ANKFY1: variants seen among roughly 807,000 people sequenced by gnomAD.
ANKFY1 encodes the protein ankyrin repeat and FYVE domain-containing protein 1.
ANKFY1 carries 47 observed loss-of-function variants against 128.3 expected under a neutral mutation model. The ratio of observed to expected loss-of-function variants is 0.37; its 90% CI spans 0.29 to 0.47. ANKFY1 has a LOEUF of 0.47. ANKFY1 is among the 20% of genes least tolerant of loss of function. The probability of loss-of-function intolerance (pLI) is 1.00; values close to 1 mark genes in which losing one functional copy is unlikely to be tolerated. For missense variants in ANKFY1, 1,222 were observed against 1,510.6 expected, an observed-to-expected ratio of 0.81 and a Z score of 3.17; for synonymous variants, 553 against 601.6, an observed-to-expected ratio of 0.92 and a Z score of 1.18.
chr17:4,214,817 G>A (rs1243701426), intron 4 of ANKFY1, among the ~76,000 whole-genome samples: 1 of 151,874 alleles, frequency 6.6e-6, no homozygotes, highest in African/African-American at 2.4e-5. Flanking sequence ...TTGAGTGGAT[G>A]TGGGAAAAAA....
intron 3 of ANKFY1, among the ~76,000 whole-genome samples, chr17:4,227,703 AG>A (rs2060447766): frequency 6.6e-6 from 1 of 152,236 alleles, no homozygotes; most frequent in Non-Finnish European, 1.5e-5. Flanking sequence ...CATTTTGAAA[AG>A]GCCAAAGATG....
At chr17:4,262,543 CGAGCCACCACACGGGGCCAA>C (rs1412719290) in intron 1 of ANKFY1, among the ~76,000 whole-genome samples, 3 of 152,048 alleles carry the variant, frequency 2.0e-5, no homozygotes. Flanking sequence ...ATTACTAGCG[CGAGCCACCACACGGGGCCAA>C]GACCTTGTCT....
At chr17:4,253,219 T>TCAACAA (rs577126406) in intron 1 of ANKFY1, among the ~76,000 whole-genome samples, 1 of 151,778 alleles carries the variant, frequency 6.6e-6, no homozygotes. Flanking sequence ...AGACTCCATC[T>TCAACAA]CAACAACAAC....
chr17:4,254,164 T>C (rs1346752849), intron 1 of ANKFY1, among the ~76,000 whole-genome samples: 1 of 151,486 alleles, frequency 6.6e-6, no homozygotes, highest in Non-Finnish European at 1.5e-5. Flanking sequence ...ATTAGCCAGG[T>C]GTGGTGGCAG....
intron 1 of ANKFY1, 55 bp from the exon 2 acceptor site, chr17:4,242,503 T>C (rs1425481827): frequency 4.8e-6 from 7 of 1,453,180 alleles, no homozygotes; most frequent in Non-Finnish European, 6.4e-6. Context: ...GCAGGTGGCA[T>C]TCACTAATCC....
At chr17:4,216,385 C>T (rs1394793346) in intron 4 of ANKFY1, 4 of 161,898 alleles carry the variant, frequency 2.5e-5, no homozygotes, top group Non-Finnish European at 4.1e-5. Flanking sequence ...CCGGACATCT[C>T]GTCTGACATT....
In ANKFY1 at chr17:4,183,793, G is replaced by A. The variant is rs530441937; in HGVS notation, c.1798+19C>T. ...CAGCTGTCTGTCTGCAGACATCAGCGGCCCCGGCACAGCCTTACCAGTCCA... is the reference window on the plus strand; with the variant it reads ...CAGCTGTCTGTCTGCAGACATCAGCAGCCCCGGCACAGCCTTACCAGTCCA... On this transcript the variant is annotated intron_variant, in intron 13 of 24. Transcript: ENST00000341657. 18 of 1,594,616 alleles carry A rather than the reference G, an allele frequency of 1.1e-5. No individual in the cohort carries two copies. The highest frequency in any genetic ancestry group is 1.7e-4 in the Middle Eastern group (1 of 6,026).
intron 4 of ANKFY1, among the ~76,000 whole-genome samples, chr17:4,213,882 A>G (rs1282303286): frequency 6.6e-6 from 1 of 152,132 alleles, no homozygotes; most frequent in Non-Finnish European, 1.5e-5. Context: ...CAACAGCATT[A>G]TATTTCTAAG....
intron 2 of ANKFY1, among the ~76,000 whole-genome samples, chr17:4,238,000 T>TA (rs1317441848): frequency 6.6e-6 from 1 of 152,100 alleles, no homozygotes; most frequent in East Asian, 1.9e-4. Flanking sequence ...CCATCGTTTT[T>TA]AACTACCTTA....
intron 3 of ANKFY1, among the ~76,000 whole-genome samples, chr17:4,225,437 A>G (rs576664341): frequency 6.6e-6 from 1 of 152,278 alleles, no homozygotes; most frequent in African/African-American, 2.4e-5. Flanking sequence ...CATCCTCTTT[A>G]GTCAATTTAA....
intron 1 of ANKFY1, chr17:4,263,494 G>A: frequency 4.6e-6 from 4 of 877,058 alleles, no homozygotes; most frequent in Non-Finnish European, 6.3e-6. Flanking sequence ...CCCCAACCCA[G>A]CCCGAGGAGA....
chr17:4,263,735 G>A (rs113899872), intron 1 of ANKFY1, 197 bp downstream of exon 1: 9 of 1,485,968 alleles, frequency 6.1e-6, no homozygotes, highest in African/African-American at 1.4e-5. Flanking sequence ...CGGCATCGCG[G>A]GAGGGACGTT....
rs180895588 is a variant in ANKFY1 at position 4,245,187 on chromosome 17, T to C, written c.11-2739A>G. Among the ~76,000 whole-genome samples, 13 of 152,256 alleles carry C rather than the reference T, an allele frequency of 8.5e-5. 1 individual carries two copies. The highest frequency in any genetic ancestry group is 8.5e-4 in the Admixed American group (13 of 15,298). On this transcript the variant is annotated intron_variant, in intron 1 of 24. Coordinates refer to ENST00000341657, the MANE Select transcript of ANKFY1 (RefSeq NM_001330063.2). ...GCTTCCCTGCATCCTTTCCCAATCT[T>C]TTCTTTTTCTTTTTAAAGAAATAGG...
intron 19 of ANKFY1, 88 bp downstream of exon 19, chr17:4,177,038 G>C: frequency 2.2e-6 from 3 of 1,341,730 alleles, no homozygotes; most frequent in Non-Finnish European, 2.9e-6. Context: ...CACAACACCG[G>C]GCAAAGCACC....
chr17:4,254,735 T>C (rs1227564473), intron 1 of ANKFY1, among the ~76,000 whole-genome samples: 4 of 152,246 alleles, frequency 2.6e-5, no homozygotes, highest in Non-Finnish European at 5.9e-5. Context: ...TAGATTAGTG[T>C]CAACATCATT....
chr17:4,211,536 C>T (rs954490347), intron 4 of ANKFY1, among the ~76,000 whole-genome samples: 1 of 151,826 alleles, frequency 6.6e-6, no homozygotes, highest in African/African-American at 2.4e-5. Flanking sequence ...CTCATAAAGC[C>T]GCATAATAAT....
At position 4,179,067 on chromosome 17, in the gene ANKFY1, A is replaced by AC; in HGVS notation, c.2398-11_2398-10insG. 1 of 1,613,734 alleles carries AC rather than the reference A, an allele frequency of 6.2e-7. No individual in the cohort carries two copies. The highest frequency in any genetic ancestry group is 8.5e-7 in the Non-Finnish European group (1 of 1,179,784). ...TTCTTCCTTCTGCATCCTATGGAACAAGGCACAGAATTTAATGTTCAATTG... is the reference window on the plus strand; with the variant it reads ...TTCTTCCTTCTGCATCCTATGGAACACAGGCACAGAATTTAATGTTCAATTG... On this transcript the variant is annotated splice_polypyrimidine_tract_variant and intron_variant, in intron 17 of 24. Coordinates refer to ENST00000341657, the MANE Select transcript of ANKFY1 (RefSeq NM_001330063.2).
At chr17:4,232,611 T>G (rs963028492) in intron 3 of ANKFY1, among the ~76,000 whole-genome samples, 1 of 152,192 alleles carries the variant, frequency 6.6e-6, no homozygotes, top group Non-Finnish European at 1.5e-5. Context: ...CGCTTATTAT[T>G]TACAACTGGA....
rs775687500 is a variant in ANKFY1 at position 4,169,137 on chromosome 17, G to A, written c.3377+61C>T. On this transcript the variant is annotated intron_variant, in intron 24 of 24. Coordinates refer to ENST00000341657, the MANE Select transcript of ANKFY1 (RefSeq NM_001330063.2). This position sits in a 1 kb window ranked among gnomAD's most constrained non-coding sequence, Gnocchi z 5.0. ...AGTTCACGGCCTGTCCTGGAGAAGG[G>A]GGGAAGCAATGACATCAGCGGCAGT... 1,008 of 1,455,864 alleles carry A rather than the reference G, an allele frequency of 6.9e-4. No individual in the cohort carries two copies. The highest frequency in any genetic ancestry group is 9.0e-4 in the Non-Finnish European group (958 of 1,061,768). 90.2% of individuals were successfully genotyped at this position (1,455,864 alleles called of 1,614,324 possible). A position where few individuals can be genotyped will look rare whatever the true frequency, so the allele number is the denominator to read the frequency against.
Sources: gnomAD v4.1 joint callset for allele counts (sites outside exome capture counted in the v4.1 genomes callset) on GRCh38, gnomAD v4.1.1 for gene constraint, Gnocchi (gnomAD v3.1) non-coding constraint, MANE v1.5 for transcripts, NCBI Gene and HGNC (gene_info 2026-07-23, HGNC 2026-07-21) for gene names.